TBC1D22A: variants seen among roughly 807,000 people sequenced by gnomAD.
TBC1D22A encodes the protein putative GTPase activator.
In TBC1D22A, 38 loss-of-function variants were observed where a neutral mutation model predicts 60.2. The observed-to-expected ratio is 0.63, with a 90% CI of 0.49 to 0.83. TBC1D22A has a LOEUF of 0.83. Among genes scored for constraint, TBC1D22A ranks in the 40% least tolerant of loss-of-function variants. The pLI is 0.00. For synonymous variants in TBC1D22A, 302 were observed against 281.7 expected (o/e 1.07, Z -0.72); for missense variants, 628 against 701.0 (o/e 0.90, Z 1.18).
rs565874795 is a variant in TBC1D22A, at chr22:47,130,530, C to G, written c.1425+18927C>G. ...GAGGTGGAAGCCACTTCCTCGCAGG[C>G]TTCGCGGGAATTTGCTCTCCTCTCT... is the stretch of plus-strand genomic sequence containing the variant. On this transcript the variant is annotated intron_variant, in intron 12 of 12. Transcript: ENST00000337137. Among the ~76,000 whole-genome samples, 7 of 152,338 alleles carry G rather than the reference C, an allele frequency of 4.6e-5. No homozygotes were observed. The South Asian group carries it at 1.2e-3, about 27-fold the overall frequency.
intron 12 of TBC1D22A, among the ~76,000 whole-genome samples, chr22:47,156,187 G>T (rs751107155): frequency 3.9e-5 from 6 of 152,174 alleles, no homozygotes; most frequent in Admixed American, 3.9e-4. Context: ...CAGGCTCTGC[G>T]GAAGGTGACA....
At chr22:47,015,822 G>A (rs1057249621) in intron 10 of TBC1D22A, among the ~76,000 whole-genome samples, 9 of 152,294 alleles carry the variant, frequency 5.9e-5, no homozygotes, top group African/African-American at 1.7e-4. Flanking sequence ...CGGGGTCTTG[G>A]CCTTACGCTG....
At chr22:47,089,266 A>C (rs1189968649) in intron 11 of TBC1D22A, among the ~76,000 whole-genome samples, 1 of 152,196 alleles carries the variant, frequency 6.6e-6, no homozygotes, top group African/African-American at 2.4e-5. Context: ...TTATGTGTCT[A>C]AGTTGTTGTC....
At chr22:46,971,861 G>A (rs139984736) in intron 8 of TBC1D22A, among the ~76,000 whole-genome samples, 6 of 152,316 alleles carry the variant, frequency 3.9e-5, no homozygotes, top group African/African-American at 1.4e-4. Context: ...AGGTCAACCC[G>A]GGCTCCTGCG....
intron 4 of TBC1D22A, among the ~76,000 whole-genome samples, chr22:46,798,828 A>G (rs572079137): frequency 5.3e-5 from 8 of 152,368 alleles, no homozygotes; most frequent in Non-Finnish European, 8.8e-5. Flanking sequence ...CGCAGGAGCC[A>G]TGCAGGGGCC....
At chr22:47,004,040 T>A (rs111066978) in intron 10 of TBC1D22A, among the ~76,000 whole-genome samples, 5,213 of 142,458 alleles carry the variant, frequency 0.037, 279 homozygotes, top group African/African-American at 0.13. Context: ...CACCTACAGA[T>A]GCACCCCTAT....
At chr22:47,079,794 T>C (rs1237137163) in intron 11 of TBC1D22A, among the ~76,000 whole-genome samples, 1 of 152,226 alleles carries the variant, frequency 6.6e-6, no homozygotes, top group Non-Finnish European at 1.5e-5. Flanking sequence ...TTAACAGTTA[T>C]GTTAGATATA....
chr22:47,032,730 G>A (rs2148380751), intron 10 of TBC1D22A, among the ~76,000 whole-genome samples: 1 of 152,346 alleles, frequency 6.6e-6, no homozygotes, highest in South Asian at 2.1e-4. Context: ...TGTCCCAGGA[G>A]GCCCCAGGCT....
At chr22:46,878,595 G>A (rs1448201442) in intron 4 of TBC1D22A, 58 bp from the exon 5 acceptor site, 3 of 1,468,902 alleles carry the variant, frequency 2.0e-6, no homozygotes, top group Middle Eastern at 1.7e-4. Flanking sequence ...AAAGCACTGG[G>A]GAGGTTTGCT....
At chr22:47,158,222 A>G (rs9626942) in intron 12 of TBC1D22A, among the ~76,000 whole-genome samples, 28,889 of 152,178 alleles carry the variant, frequency 0.19, 3,403 homozygotes, top group African/African-American at 0.34. Context: ...ATGCTTCTGC[A>G]GTTGACATAC....
intron 10 of TBC1D22A, among the ~76,000 whole-genome samples, chr22:47,006,212 A>G (rs780741864): frequency 4.6e-5 from 7 of 152,308 alleles, no homozygotes; most frequent in Admixed American, 2.6e-4. Flanking sequence ...TGTCTCCTCC[A>G]GGAGAGGTTA....
intron 8 of TBC1D22A, among the ~76,000 whole-genome samples, chr22:46,936,929 A>G (rs1275597993): frequency 6.6e-6 from 1 of 152,160 alleles, no homozygotes; most frequent in Non-Finnish European, 1.5e-5. Flanking sequence ...TTGTTTCAAA[A>G]TCTCTAAGTG....
intron 10 of TBC1D22A, among the ~76,000 whole-genome samples, chr22:47,032,146 C>T (rs1217357724): frequency 6.6e-6 from 1 of 152,192 alleles, no homozygotes; most frequent in Non-Finnish European, 1.5e-5. Context: ...ACAGACTGGC[C>T]GGTGAGCCAC....
chr22:47,045,364 G>A (rs563656600), intron 11 of TBC1D22A, among the ~76,000 whole-genome samples: 2 of 152,202 alleles, frequency 1.3e-5, no homozygotes, highest in East Asian at 3.9e-4. Context: ...GTCAACCTGG[G>A]CCTCCTCACT....
At chr22:46,901,917 ATGT>A (rs553075418) in intron 7 of TBC1D22A, among the ~76,000 whole-genome samples, 154 of 147,338 alleles carry the variant, frequency 1.0e-3, no homozygotes, top group African/African-American at 3.7e-3. Context: ...TAGAATTATG[ATGT>A]TTTAAAATTT....
chr22:46,898,494 G>C (rs1352089940), intron 7 of TBC1D22A, among the ~76,000 whole-genome samples: 1 of 151,632 alleles, frequency 6.6e-6, no homozygotes, highest in Non-Finnish European at 1.5e-5. Context: ...GGGAGACAGA[G>C]AAAAACATTC....
chr22:46,930,628 T>A (rs1464998105), intron 8 of TBC1D22A, among the ~76,000 whole-genome samples: 1 of 150,606 alleles, frequency 6.6e-6, no homozygotes. Flanking sequence ...GCTAATTTTT[T>A]TTTTTTTTGT....
At chr22:47,154,406 G>A (rs578244386) in intron 12 of TBC1D22A, among the ~76,000 whole-genome samples, 2 of 152,282 alleles carry the variant, frequency 1.3e-5, no homozygotes, top group Admixed American at 6.5e-5. Flanking sequence ...TACTTGTCAC[G>A]CGCGGGACAC....
chr22:47,118,790 T>TAC (rs146644664), intron 12 of TBC1D22A, among the ~76,000 whole-genome samples: 10,522 of 125,416 alleles, frequency 0.084, 639 homozygotes, highest in African/African-American at 0.21. Flanking sequence ...AAGAGGAATT[T>TAC]ACACACACAC....
Sources: gnomAD v4.1 joint callset for allele counts (sites outside exome capture counted in the v4.1 genomes callset) on GRCh38, gnomAD v4.1.1 for gene constraint, MANE v1.5 for transcripts, NCBI Gene and HGNC (gene_info 2026-07-23, HGNC 2026-07-21) for gene names.